Variants in LINC00305 observed in about 807,000 individuals in gnomAD.
LINC00305 encodes the protein long independently transcribed non-coding RNA 305, also known as long intergenic non-protein coding RNA 305.
chr18:64,106,445 G>T (rs2051291128), intron 1 of LINC00305, among the ~76,000 whole-genome samples: 1 of 151,986 alleles, frequency 6.6e-6, no homozygotes, highest in Non-Finnish European at 1.5e-5. Context: ...TCACCACCTA[G>T]AAGCTTCTGG....
chr18:64,100,793 C>T lies in LINC00305; in HGVS notation n.315-2153G>A, dbSNP rs183064829. Among the ~76,000 whole-genome samples the T allele has an allele frequency of 1.7e-3, 261 of 152,238 alleles. 2 individuals carry two copies. The highest frequency in any genetic ancestry group is 0.017 in the Middle Eastern group (5 of 294). ...CCTGTTTTGTCACATGAGGCAGTTG[C>T]CTGCTATGTTCAGATTCAGGGCTTT... is the stretch of plus-strand genomic sequence containing the variant. On this transcript the variant is annotated intron_variant and non_coding_transcript_variant, in intron 1 of 3. Transcript: ENST00000666468.
chr18:64,116,968 A>G (rs1009003714), intron 1 of LINC00305, among the ~76,000 whole-genome samples: 12 of 152,186 alleles, frequency 7.9e-5, no homozygotes, highest in African/African-American at 2.9e-4. Flanking sequence ...CAAAATTCAC[A>G]CAACGGCATT....
At chr18:64,123,458 C>T (rs1161930105) in intron 1 of LINC00305, among the ~76,000 whole-genome samples, 2 of 151,918 alleles carry the variant, frequency 1.3e-5, no homozygotes, top group African/African-American at 4.8e-5. Flanking sequence ...CTTCCTATGC[C>T]ACCAGGCCCT....
At chr18:64,136,796 C>G (rs1203237765) in intron 1 of LINC00305, among the ~76,000 whole-genome samples, 1 of 152,122 alleles carries the variant, frequency 6.6e-6, no homozygotes, top group Non-Finnish European at 1.5e-5. Context: ...ATTCTAGGCC[C>G]TGTTGTGCCT....
intron 3 of LINC00305, among the ~76,000 whole-genome samples, chr18:64,090,885 GTGTA>G (rs750802032): frequency 6.6e-6 from 1 of 152,216 alleles, no homozygotes; most frequent in Non-Finnish European, 1.5e-5. Context: ...GCTTACACGT[GTGTA>G]TGTATTTCTT....
At chr18:64,094,860 T>A (rs530710186) in intron 3 of LINC00305, among the ~76,000 whole-genome samples, 3 of 148,738 alleles carry the variant, frequency 2.0e-5, no homozygotes, top group Non-Finnish European at 4.5e-5. Context: ...TCTCAAAAAA[T>A]AAATAAATAA....
intron 1 of LINC00305, among the ~76,000 whole-genome samples, chr18:64,105,628 G>A (rs2051287189): frequency 6.6e-6 from 1 of 152,132 alleles, no homozygotes; most frequent in Non-Finnish European, 1.5e-5. Context: ...AAGAAATGAT[G>A]CCTTACATTT....
rs373971403 is a variant in LINC00305, at chr18:64,128,772, C to T, written n.314+20003G>A. On this transcript the variant is annotated intron_variant and non_coding_transcript_variant, in intron 1 of 3. Coordinates refer to ENST00000666468, the Ensembl canonical transcript of LINC00305. The stretch of plus-strand genomic sequence containing the variant: ...TTCAGCCTCCTAAGTAACTCCCTTC[C>T]GGTCAAAGAACCTCCCTCAGGATCC... Among the ~76,000 whole-genome samples, 34 of 152,182 alleles carry T rather than the reference C, an allele frequency of 2.2e-4. No individual in the cohort carries two copies. The East Asian group carries it at 2.3e-3, about 10-fold the overall frequency.
intron 3 of LINC00305, among the ~76,000 whole-genome samples, chr18:64,096,574 C>A (rs1046930971): frequency 6.6e-6 from 1 of 151,580 alleles, no homozygotes; most frequent in Non-Finnish European, 1.5e-5. Flanking sequence ...AAATGTCGAG[C>A]GTTAACTATC....
intron 1 of LINC00305, among the ~76,000 whole-genome samples, chr18:64,143,623 T>A (rs1282876697): frequency 6.7e-6 from 1 of 148,738 alleles, no homozygotes; most frequent in Non-Finnish European, 1.5e-5. Flanking sequence ...TGTACACATA[T>A]GTATGTACAC....
intron 1 of LINC00305, among the ~76,000 whole-genome samples, chr18:64,099,832 G>A (rs2144238982): frequency 6.6e-6 from 1 of 152,190 alleles, no homozygotes; most frequent in African/African-American, 2.4e-5. Flanking sequence ...GTTCTACATG[G>A]CAAAGTCTGC....
chr18:64,084,810 A>G (rs1238073800), intron 3 of LINC00305, among the ~76,000 whole-genome samples: 1 of 152,214 alleles, frequency 6.6e-6, no homozygotes, highest in Non-Finnish European at 1.5e-5. Context: ...AGCCCCATAT[A>G]TCTTTCATCT....
chr18:64,104,979 G>A (rs2051283710), intron 1 of LINC00305, among the ~76,000 whole-genome samples: 1 of 151,870 alleles, frequency 6.6e-6, no homozygotes, highest in Non-Finnish European at 1.5e-5. Context: ...TCTCCAGCAT[G>A]CTGTTCTTGG....
chr18:64,132,549 C>A (rs894076789), intron 1 of LINC00305, among the ~76,000 whole-genome samples: 2 of 152,146 alleles, frequency 1.3e-5, no homozygotes, highest in Non-Finnish European at 2.9e-5. Context: ...ATTGTATTCA[C>A]CCTTTATAAG....
chr18:64,081,125 T>C (rs1327433759), intron 3 of LINC00305, among the ~76,000 whole-genome samples: 2 of 152,184 alleles, frequency 1.3e-5, no homozygotes, highest in East Asian at 3.8e-4. Context: ...AGTTGTTTTA[T>C]TTTTTCCTGA....
chr18:64,081,806 C>T (rs930634192), intron 3 of LINC00305, among the ~76,000 whole-genome samples: 2 of 152,152 alleles, frequency 1.3e-5, no homozygotes, highest in South Asian at 2.1e-4. Flanking sequence ...GCCCACGTAA[C>T]GCCCTTGTAC....
intron 1 of LINC00305, among the ~76,000 whole-genome samples, chr18:64,134,185 A>T (rs2051422458): frequency 1.3e-5 from 2 of 152,162 alleles, no homozygotes; most frequent in Admixed American, 1.3e-4. Context: ...CACCAAGGTA[A>T]ATTCGTCACT....
At chr18:64,099,478 G>T (rs1418608005) in intron 1 of LINC00305, among the ~76,000 whole-genome samples, 1 of 152,084 alleles carries the variant, frequency 6.6e-6, no homozygotes, top group South Asian at 2.1e-4. Flanking sequence ...GCTGAGGCAG[G>T]GTTGGACCCA....
chr18:64,121,986 T>A (rs2051364067), intron 1 of LINC00305, among the ~76,000 whole-genome samples: 1 of 152,174 alleles, frequency 6.6e-6, no homozygotes, highest in African/African-American at 2.4e-5. Context: ...ATGTCTTCTT[T>A]TGAGAAATGT....
Sources: gnomAD v4.1 joint callset for allele counts (sites outside exome capture counted in the v4.1 genomes callset) on GRCh38, gnomAD v4.1.1 for gene constraint, MANE v1.5 for transcripts, NCBI Gene and HGNC (gene_info 2026-07-23, HGNC 2026-07-21) for gene names.